The following EIF4G3 variants were observed in gnomAD, a reference collection of about 807,000 sequenced individuals.
EIF4G3 encodes the protein eukaryotic translation initiation factor 4 gamma 3.
EIF4G3 carries 34 observed loss-of-function variants against 186.4 expected under a neutral mutation model. The ratio of observed to expected loss-of-function variants is 0.18; its 90% CI spans 0.14 to 0.24. The LOEUF (loss-of-function observed/expected upper bound fraction) is 0.24, where lower values mean the gene tolerates loss of function less well. Ranked by LOEUF, EIF4G3 falls within the 10% of genes least tolerant of loss-of-function variation. EIF4G3 has a pLI of 1.00. For synonymous variants in EIF4G3, 673 were observed against 679.5 expected (o/e 0.99, Z 0.15); for missense variants, 1,536 against 1,948.5 (o/e 0.79, Z 3.99).
chr1:21,003,470 C>T (rs1368237368), intron 4 of EIF4G3: 1 of 173,452 alleles, frequency 5.8e-6, no homozygotes, highest in African/African-American at 2.4e-5. Context: ...CATTAGCAAT[C>T]CAAAATCTAG....
At chr1:21,013,735 A>C (rs1263740438) in intron 4 of EIF4G3, among the ~76,000 whole-genome samples, 1 of 152,250 alleles carries the variant, frequency 6.6e-6, no homozygotes, top group Non-Finnish European at 1.5e-5. Flanking sequence ...GGCCCAGTGA[A>C]TATACAAACA....
At chr1:21,052,129 G>C (rs150086316) in intron 3 of EIF4G3, among the ~76,000 whole-genome samples, 1 of 152,000 alleles carries the variant, frequency 6.6e-6, no homozygotes, top group Non-Finnish European at 1.5e-5. Flanking sequence ...AAAATAATCA[G>C]CATGTTTTTA....
chr1:21,068,138 C>T (rs1195786633), intron 3 of EIF4G3, among the ~76,000 whole-genome samples: 4 of 151,560 alleles, frequency 2.6e-5, no homozygotes, highest in Non-Finnish European at 5.9e-5. Context: ...TTTGGGAGGC[C>T]GAGGTGGGTG....
chr1:20,845,310 G>T (rs2070467877), intron 29 of EIF4G3, among the ~76,000 whole-genome samples: 1 of 152,116 alleles, frequency 6.6e-6, no homozygotes, highest in Non-Finnish European at 1.5e-5. Context: ...CGTTCCACTG[G>T]TCTATGTGTC....
rs138523714 is a variant in EIF4G3 at position 21,151,788 on chromosome 1, T to A, written c.-272+24387A>T. 4.4e-4 allele frequency among the ~76,000 whole-genome samples: 67 copies of A among 152,034 alleles called. 2 individuals carry two copies. The highest frequency in any genetic ancestry group is 1.5e-3 in the African/African-American group (64 of 41,474). ...ATGTTAAAAAAATCTCTTAGAATAC[T>A]AACAAAATTTAATACAACAACAGTC... On this transcript the variant is annotated intron_variant, in intron 2 of 36. Transcript: ENST00000602326.
intron 29 of EIF4G3, among the ~76,000 whole-genome samples, chr1:20,842,846 T>TG (rs1166209830): frequency 6.9e-6 from 1 of 144,598 alleles, no homozygotes; most frequent in African/African-American, 2.7e-5. Flanking sequence ...GTCTTTTAGT[T>TG]TTTTTTTTTT....
chr1:20,876,438 TTAAG>T (rs1259266346), intron 20 of EIF4G3, among the ~76,000 whole-genome samples: 2 of 141,836 alleles, frequency 1.4e-5, no homozygotes, highest in Non-Finnish European at 3.1e-5. Context: ...AAAACATTTA[TTAAG>T]TAAAAAAAAA....
At chr1:20,974,915 C>T (rs757566266) in intron 10 of EIF4G3, among the ~76,000 whole-genome samples, 1 of 152,156 alleles carries the variant, frequency 6.6e-6, no homozygotes, top group Non-Finnish European at 1.5e-5. Context: ...GTAGTTCACA[C>T]AGGTAAAATC....
At chr1:20,952,733 C>T (rs2096270922) in intron 12 of EIF4G3, among the ~76,000 whole-genome samples, 1 of 152,094 alleles carries the variant, frequency 6.6e-6, no homozygotes, top group Admixed American at 6.5e-5. Context: ...CCTGTTAATT[C>T]CAGCTATTCG....
chr1:21,037,832 G>T (rs2093326416), intron 4 of EIF4G3, among the ~76,000 whole-genome samples: 1 of 152,210 alleles, frequency 6.6e-6, no homozygotes, highest in Non-Finnish European at 1.5e-5. Flanking sequence ...AAAAGGCACT[G>T]TTCCTAATCG....
chr1:21,173,744 C>T lies in EIF4G3; in HGVS notation c.-272+2431G>A, dbSNP rs192778246. Among the ~76,000 whole-genome samples the T allele has an allele frequency of 1.3e-3, 199 of 152,308 alleles. 1 individual carries two copies. Among genetic ancestry groups the T allele is most frequent in the African/African-American group, 4.6e-3 (191 of 41,572 alleles). On this transcript the variant is annotated intron_variant, in intron 2 of 36. Transcript: ENST00000602326. ...TTAATTCAATGCAAACACAACTATACCCACATACTTTGAGGGTCTGGAGAT... is the reference window on the plus strand; with the variant it reads ...TTAATTCAATGCAAACACAACTATATCCACATACTTTGAGGGTCTGGAGAT...
chr1:20,896,387 GATTGCACCACTGCACTC>G (rs936998723), intron 16 of EIF4G3, among the ~76,000 whole-genome samples: 2 of 143,734 alleles, frequency 1.4e-5, no homozygotes, highest in African/African-American at 5.2e-5. Context: ...AGTGAGCTAT[GATTGCACCACTGCACTC>G]TAGCCTGGGT....
At chr1:20,844,488 AGT>A (rs2069961473) in intron 29 of EIF4G3, among the ~76,000 whole-genome samples, 1 of 150,832 alleles carries the variant, frequency 6.6e-6, no homozygotes, top group South Asian at 2.1e-4. Flanking sequence ...TCTACTTTTT[AGT>A]GTGTGTTTTT....
chr1:20,813,844 C>T (rs545407347), intron 34 of EIF4G3, among the ~76,000 whole-genome samples: 2 of 150,826 alleles, frequency 1.3e-5, no homozygotes, highest in African/African-American at 4.9e-5. Flanking sequence ...AAAACTCCAT[C>T]TCAAAACAAA....
At chr1:21,086,181 C>T (rs2095969070) in intron 3 of EIF4G3, among the ~76,000 whole-genome samples, 1 of 146,112 alleles carries the variant, frequency 6.8e-6, no homozygotes, top group African/African-American at 2.5e-5. Context: ...GAAAAATATC[C>T]ATTACCTACA....
chr1:21,167,720 T>G (rs1287957920), intron 2 of EIF4G3, among the ~76,000 whole-genome samples: 3 of 151,830 alleles, frequency 2.0e-5, no homozygotes, highest in Non-Finnish European at 4.4e-5. Context: ...ATCACAACAC[T>G]GCAATCCAGC....
intron 11 of EIF4G3, among the ~76,000 whole-genome samples, chr1:20,971,979 C>T (rs2075986178): frequency 1.3e-5 from 2 of 152,064 alleles, no homozygotes; most frequent in Admixed American, 1.3e-4. Context: ...AAGAGTATTG[C>T]TATAAATCAC....
intron 4 of EIF4G3, 52 bp downstream of exon 4, chr1:21,050,814 A>G: frequency 1.5e-6 from 1 of 679,954 alleles, no homozygotes; most frequent in Non-Finnish European, 2.7e-6. Flanking sequence ...AAAAACAAAA[A>G]TGATGCCTTT....
intron 2 of EIF4G3, among the ~76,000 whole-genome samples, chr1:21,096,450 T>C (rs181996570): frequency 3.0e-4 from 45 of 152,316 alleles, no homozygotes; most frequent in Admixed American, 6.5e-4. Flanking sequence ...GATGGACACA[T>C]TGAAAACCCT....
Sources: gnomAD v4.1 joint callset for allele counts (sites outside exome capture counted in the v4.1 genomes callset) on GRCh38, gnomAD v4.1.1 for gene constraint, MANE v1.5 for transcripts, NCBI Gene and HGNC (gene_info 2026-07-23, HGNC 2026-07-21) for gene names.